DLGAP2: variants seen among roughly 807,000 people sequenced by gnomAD.
DLGAP2 encodes disks large-associated protein 2.
Under a neutral mutation model 100.3 loss-of-function variants are expected in DLGAP2, and 26 were observed. The ratio of observed to expected loss-of-function variants is 0.26; its 90% CI spans 0.19 to 0.36. The LOEUF is 0.36. Ranked by LOEUF, DLGAP2 falls within the 10% of genes least tolerant of loss-of-function variation. DLGAP2 has a pLI of 1.00. For missense variants in DLGAP2, 1,858 were observed against 1,453.2 expected (o/e 1.28, Z -4.53); for synonymous variants, 886 against 630.1 (o/e 1.41, Z -6.08).
intron 1 of DLGAP2, among the ~76,000 whole-genome samples, chr8:757,248 T>C (rs1018921758): frequency 6.6e-6 from 1 of 152,230 alleles, no homozygotes; most frequent in Admixed American, 6.5e-5. Context: ...GGGTCCCTTT[T>C]AGCAGTGAGT....
intron 1 of DLGAP2, among the ~76,000 whole-genome samples, chr8:759,080 C>CACAACCTTCCCATTATCAATACCCCCG (rs1820996943): frequency 6.2e-5 from 1 of 16,124 alleles, no homozygotes; most frequent in African/African-American, 1.6e-4. Context: ...CAATACCCCC[C>CACAACCTTCCCATTATCAATACCCCCG]ACAGCCTTCC....
rs889074226 is a variant in DLGAP2, at chr8:1,368,862, C to G, written c.106+109979C>G. 4.6e-5 allele frequency: 7 copies of G among 152,342 alleles called. No individual in the cohort carries two copies. The East Asian group carries it at 1.4e-3, about 29-fold the overall frequency. 9.4% of individuals were successfully genotyped at this position (152,342 alleles called of 1,614,324 possible). On this transcript the variant is annotated intron_variant, in intron 3 of 14. Coordinates refer to ENST00000637795, the MANE Select transcript of DLGAP2 (RefSeq NM_001346810.2). Reference sequence around the variant, plus strand: ...GAACCATCTATTCCTGATGCTCTCCCAGCACAAAGGTCAAATTGACTGCGA... The same window carrying G: ...GAACCATCTATTCCTGATGCTCTCCGAGCACAAAGGTCAAATTGACTGCGA...
chr8:1,548,546 G>C (rs1017994958), intron 4 of DLGAP2, 80 bp from the exon 5 acceptor site: 2 of 1,291,828 alleles, frequency 1.5e-6, no homozygotes, highest in Non-Finnish European at 2.0e-6. Flanking sequence ...TGAAGTCCAC[G>C]GTGGGGGTCA....
intron 3 of DLGAP2, among the ~76,000 whole-genome samples, chr8:1,274,765 A>G (rs1156364689): frequency 7.0e-6 from 1 of 142,700 alleles, no homozygotes; most frequent in Non-Finnish European, 1.5e-5. Flanking sequence ...TAAGAATTAC[A>G]TACCAAACAT....
intron 3 of DLGAP2, among the ~76,000 whole-genome samples, chr8:1,298,011 GAC>G: frequency 2.9e-5 from 1 of 34,764 alleles, no homozygotes; most frequent in East Asian, 5.3e-4. Flanking sequence ...CACCACGTGA[GAC>G]AGGGAGGAGA....
At position 1,697,153 on chromosome 8, in the gene DLGAP2, A is replaced by T. The variant is rs767595715; in HGVS notation, c.2803A>T (p.Ser935Cys). ...YWLCQQNMDP[S>C]AMPRPTSQDL... is the part of the protein sequence containing the mutation. ...ACCCTGTGTGTGTCCCCAGGACCCC[A>T]GCGCCATGCCGAGGCCGACGTCGCA... Residue 935 changes from serine (S) to cysteine (C), a missense_variant, in exon 14 of 15, where the codon AGC becomes TGC. Transcript: ENST00000637795. 2 of 1,584,184 alleles carry T rather than the reference A, an allele frequency of 1.3e-6. No individual in the cohort carries two copies. Among genetic ancestry groups the T allele is most frequent in the South Asian group, 2.3e-5 (2 of 86,512 alleles).
At chr8:1,220,340 G>T (rs1180480269) in intron 2 of DLGAP2, among the ~76,000 whole-genome samples, 1 of 152,074 alleles carries the variant, frequency 6.6e-6, no homozygotes, top group African/African-American at 2.4e-5. Context: ...ATAATGTTTG[G>T]ATTTCTACCT....
At chr8:1,037,763 A>G (rs1178039082) in intron 2 of DLGAP2, among the ~76,000 whole-genome samples, 2 of 152,154 alleles carry the variant, frequency 1.3e-5, no homozygotes, top group East Asian at 1.9e-4. Flanking sequence ...AAAATATCCA[A>G]GCAGGCTGGT....
intron 2 of DLGAP2, among the ~76,000 whole-genome samples, chr8:1,170,968 G>A (rs1236234931): frequency 2.0e-5 from 3 of 151,104 alleles, no homozygotes; most frequent in African/African-American, 4.9e-5. Context: ...TCTTTTAATT[G>A]TGATGTTAGG....
Position 1,039,782 on chromosome 8 carries a change from G to A in DLGAP2, c.73+131816G>A, listed in dbSNP as rs1802262815. On this transcript the variant is annotated intron_variant, in intron 2 of 14. Coordinates refer to ENST00000637795, the MANE Select transcript of DLGAP2 (RefSeq NM_001346810.2). ...CGGCTCGGTGTGTGTGGTTGGCTCG[G>A]TATGCATGTTCAGCTCGGTTTCCGT... 1.4e-5 allele frequency among the ~76,000 whole-genome samples: 2 copies of A among 143,144 alleles called. 1 individual carries two copies. The highest frequency in any genetic ancestry group is 3.0e-5 in the Non-Finnish European group (2 of 66,044). The allele number at this position is 143,144 out of a possible 152,430, so 93.9% of individuals were successfully genotyped here.
At chr8:743,978 C>G (rs1184438334) in intron 1 of DLGAP2, among the ~76,000 whole-genome samples, 1 of 152,246 alleles carries the variant, frequency 6.6e-6, no homozygotes, top group African/African-American at 2.4e-5. Context: ...GTCCTGCAGA[C>G]AACAGCAGTT....
intron 3 of DLGAP2, among the ~76,000 whole-genome samples, chr8:1,299,037 C>T (rs562450698): frequency 5.3e-5 from 8 of 152,284 alleles, no homozygotes; most frequent in East Asian, 3.9e-4. Flanking sequence ...TACTGCCATC[C>T]GTCTAGACCA....
At chr8:1,111,674 G>C (rs1037004866) in intron 2 of DLGAP2, among the ~76,000 whole-genome samples, 6 of 152,188 alleles carry the variant, frequency 3.9e-5, no homozygotes, top group Middle Eastern at 3.4e-3. Context: ...TTCTCTTCCT[G>C]GGTTAGTTTG....
At chr8:1,153,179 C>A (rs571883833) in intron 2 of DLGAP2, among the ~76,000 whole-genome samples, 1 of 152,192 alleles carries the variant, frequency 6.6e-6, no homozygotes, top group African/African-American at 2.4e-5. Context: ...TTCCAGGCTC[C>A]GAGCGGTGTG....
chr8:811,157 C>T (rs753984483), intron 1 of DLGAP2, among the ~76,000 whole-genome samples: 1 of 152,268 alleles, frequency 6.6e-6, no homozygotes, highest in African/African-American at 2.4e-5. Flanking sequence ...CATTATCCCG[C>T]CTGTGGGCGC....
At chr8:1,615,814 A>T (rs1191791095) in intron 6 of DLGAP2, among the ~76,000 whole-genome samples, 1 of 152,104 alleles carries the variant, frequency 6.6e-6, no homozygotes. Context: ...CACCAGAAAG[A>T]TCTTTAAAGC....
At chr8:1,616,866 T>G (rs1278544267) in intron 6 of DLGAP2, among the ~76,000 whole-genome samples, 2 of 152,134 alleles carry the variant, frequency 1.3e-5, no homozygotes, top group East Asian at 3.9e-4. Context: ...TAATAGGTAT[T>G]TTTTTCTGAT....
chr8:1,213,205 T>C (rs575002255), intron 2 of DLGAP2, among the ~76,000 whole-genome samples: 25 of 152,314 alleles, frequency 1.6e-4, no homozygotes, highest in Admixed American at 4.6e-4. Flanking sequence ...GGTGTCATAC[T>C]CACAGTCTTG....
chr8:1,119,612 A>C (rs1424890915), intron 2 of DLGAP2, among the ~76,000 whole-genome samples: 2 of 152,252 alleles, frequency 1.3e-5, no homozygotes, highest in African/African-American at 4.8e-5. Context: ...GTCCCACCAC[A>C]GCACACACGC....
Sources: allele counts gnomAD v4.1 joint callset (sites outside exome capture counted in the v4.1 genomes callset), GRCh38; gene constraint gnomAD v4.1.1; transcripts MANE v1.5; gene names NCBI Gene and HGNC (gene_info 2026-07-23, HGNC 2026-07-21).